Variants in TMEM9B observed in about 807,000 individuals in gnomAD.
TMEM9B encodes TMEM9 domain family member B.
Under a neutral mutation model 23.5 loss-of-function variants are expected in TMEM9B, and 8 were observed. The ratio of observed to expected loss-of-function variants is 0.34; its 90% CI spans 0.20 to 0.61. The LOEUF (loss-of-function observed/expected upper bound fraction) is 0.61, where lower values mean the gene tolerates loss of function less well. TMEM9B is among the 20% of genes least tolerant of loss of function. The probability of loss-of-function intolerance (pLI) is 0.78; values close to 1 mark genes in which losing one functional copy is unlikely to be tolerated. For missense variants in TMEM9B, 197 were observed against 252.3 expected (o/e 0.78, Z 1.49); for synonymous variants, 106 against 96.3 (o/e 1.10, Z -0.59).
Position 8,948,425 on chromosome 11 carries a change from A to G in TMEM9B, c.492T>C (p.Ser164=). 1 of 1,614,206 alleles carries G rather than the reference A, an allele frequency of 6.2e-7. No individual in the cohort carries two copies. Among genetic ancestry groups the G allele is most frequent in the Non-Finnish European group, 8.5e-7 (1 of 1,180,034 alleles). Reference sequence around the variant, plus strand: ...CTACCTTGTTCAGCACGTTGGCTCGACTGCGGGAGCGGGCTAGCACATCGT... The same window carrying G: ...CTACCTTGTTCAGCACGTTGGCTCGGCTGCGGGAGCGGGCTAGCACATCGT... ...NAHDVLARSR[S]RANVLNKVEY... Residue 164 remains serine, a synonymous_variant, in exon 5 of 5, where the codon AGT becomes AGC. Transcript: ENST00000534025.
At chr11:8,952,394 T>C (rs956454569) in intron 4 of TMEM9B, among the ~76,000 whole-genome samples, 1 of 151,864 alleles carries the variant, frequency 6.6e-6, no homozygotes, top group African/African-American at 2.4e-5. Flanking sequence ...GTTTTATTTT[T>C]CTCTAAAGAT....
Position 8,948,199 on chromosome 11 carries a change from G to A in TMEM9B, c.*121C>T. On this transcript the variant is annotated 3_prime_UTR_variant, in exon 5 of 5. Transcript: ENST00000534025. ...CAAGCAAGTTTTTGCTTCCAGTTTT[G>A]AATCTTCCAGCAACAGTTGGTGAAA... 1 of 1,292,400 alleles carries A rather than the reference G, an allele frequency of 7.7e-7. No homozygotes were observed. The highest frequency in any genetic ancestry group is 1.0e-6 in the Non-Finnish European group (1 of 952,398). 80.1% of individuals were successfully genotyped at this position (1,292,400 alleles called of 1,614,324 possible).
chr11:8,956,146 T>A (rs764790585), intron 3 of TMEM9B, 44 bp downstream of exon 3: 5 of 1,573,414 alleles, frequency 3.2e-6, no homozygotes, highest in Non-Finnish European at 2.6e-6. Flanking sequence ...AGAAAAGACG[T>A]AGACAGACAG....
chr11:8,963,009 C>T (rs772004561), intron 1 of TMEM9B, among the ~76,000 whole-genome samples: 1 of 152,226 alleles, frequency 6.6e-6, no homozygotes, highest in Non-Finnish European at 1.5e-5. Flanking sequence ...TCAGCAACCA[C>T]TTAGTGAGCA....
In TMEM9B at chr11:8,964,417, G is replaced by A; in HGVS notation, c.-104C>T. 6.9e-7 allele frequency: 1 copy of A among 1,441,666 alleles called. No homozygotes were observed. Among genetic ancestry groups the A allele is most frequent in the South Asian group, 1.5e-5 (1 of 68,884 alleles). 89.3% of individuals were successfully genotyped at this position (1,441,666 alleles called of 1,614,324 possible). A position where few individuals can be genotyped will look rare whatever the true frequency, so the allele number is the denominator to read the frequency against. The stretch of plus-strand genomic sequence containing the variant: ...CAGGCACAGGCTTGGGACCCGGCTG[G>A]GGATCCTCCGCCCGCACTTCCGTCT... On this transcript the variant is annotated 5_prime_UTR_variant, in exon 1 of 5. Transcript: ENST00000534025.
rs1323677271 is a variant in TMEM9B at position 8,956,395 on chromosome 11, A to G, written c.198-97T>C. ...GAAATCTAGAATAATCACTAAACTT[A>G]CCCAATGAAAGAGCATAAAAAACAA... is the stretch of plus-strand genomic sequence containing the variant. On this transcript the variant is annotated intron_variant, in intron 2 of 4. Transcript: ENST00000534025. The G allele has an allele frequency of 5.9e-6, 5 of 847,344 alleles. No individual in the cohort carries two copies. In the Admixed American group the frequency reaches 1.3e-4, roughly 23 times the overall value. 52.5% of individuals were successfully genotyped at this position (847,344 alleles called of 1,614,324 possible).
In TMEM9B at chr11:8,962,101, T is replaced by A; in HGVS notation, c.188A>T (p.Gln63Leu). ...SGHIYNKNIS[Q>L]KDCDCLHVVE... Reference sequence around the variant, plus strand: ...TAATCCAGATACTTACCAATCTTTCTGAGATATGTTCTTATTATAAATATG... The same window carrying A: ...TAATCCAGATACTTACCAATCTTTCAGAGATATGTTCTTATTATAAATATG... The change falls in exon 2 of 5, where the codon CAG (glutamine) becomes CTG (leucine). Residue 63 changes from glutamine to leucine, a missense_variant. Physicochemically the swap from Gln to Leu is moderately radical, Grantham distance 113 (BLOSUM62 -2). Coordinates refer to ENST00000534025, the MANE Select transcript of TMEM9B (RefSeq NM_020644.3). 1 of 1,581,838 alleles carries A rather than the reference T, an allele frequency of 6.3e-7. No homozygotes were observed. The highest frequency in any genetic ancestry group is 1.2e-5 in the South Asian group (1 of 85,616).
rs1463660587 is a variant in TMEM9B at position 8,957,572 on chromosome 11, C to G, written c.198-1274G>C. Among the ~76,000 whole-genome samples the G allele has an allele frequency of 6.6e-5, 10 of 152,344 alleles. No homozygotes were observed. The South Asian group carries it at 1.7e-3, about 25-fold the overall frequency. The stretch of plus-strand genomic sequence containing the variant: ...CCCATTCTCTTGGGGACACCCAATA[C>G]TCTATAGAGTGATTCCTTCTCTTTC... On this transcript the variant is annotated intron_variant, in intron 2 of 4. Transcript: ENST00000534025. The surrounding 1 kb of genome is among the most constrained non-coding windows in gnomAD (Gnocchi z 4.3).
At position 8,948,555 on chromosome 11, in the gene TMEM9B, A is replaced by G. The variant is rs1157078395; in HGVS notation, c.442-80T>C. On this transcript the variant is annotated intron_variant, in intron 4 of 4. Transcript: ENST00000534025. ...GACACACAACAGTGACCAGCCCGCC[A>G]CAGAAATAGGGGTAGGTGGACTTTT... The G allele has an allele frequency of 4.0e-6, 6 of 1,503,364 alleles. No individual in the cohort carries two copies. The African/African-American group carries it at 8.3e-5, about 21-fold the overall frequency. The allele number at this position is 1,503,364 out of a possible 1,614,324, so 93.1% of individuals were successfully genotyped here.
chr11:8,957,981 AC>A lies in TMEM9B; in HGVS notation c.198-1684del, dbSNP rs1854003420. 6.6e-6 allele frequency among the ~76,000 whole-genome samples: 1 copy of A among 150,792 alleles called. No homozygotes were observed. The highest frequency in any genetic ancestry group is 1.5e-5 in the Non-Finnish European group (1 of 67,806). On this transcript the variant is annotated intron_variant, in intron 2 of 4. Transcript: ENST00000534025. The surrounding 1 kb of genome is among the most constrained non-coding windows in gnomAD (Gnocchi z 4.3). ...AGACCAGCCTGACCAACATGGAGAA[AC>A]CCCGTCTCTACTAAAAATACAAAAA...
At chr11:8,963,916 G>A in intron 1 of TMEM9B, 1 of 454,454 alleles carries the variant, frequency 2.2e-6, no homozygotes, top group Non-Finnish European at 3.9e-6. Context: ...CGTGCAGCCG[G>A]GGCTGGGAAG....
rs1176702493 is a variant in TMEM9B, at chr11:8,957,163, A to C, written c.198-865T>G. 6.6e-6 allele frequency among the ~76,000 whole-genome samples: 1 copy of C among 152,256 alleles called. No individual in the cohort carries two copies. ...TTTTCTTAATGAGCAAATCTGAAAA[A>C]GCAAGGAGAAATAGAATAACTAAAA... On this transcript the variant is annotated intron_variant, in intron 2 of 4. Coordinates refer to ENST00000534025, the MANE Select transcript of TMEM9B (RefSeq NM_020644.3). This position sits in a 1 kb window ranked among gnomAD's most constrained non-coding sequence, Gnocchi z 4.3.
intron 4 of TMEM9B, among the ~76,000 whole-genome samples, chr11:8,951,268 C>CTA (rs1853869944): frequency 6.6e-6 from 1 of 152,132 alleles, no homozygotes; most frequent in Non-Finnish European, 1.5e-5. Flanking sequence ...ACGTCTATGC[C>CTA]TATAGATGCA....
intron 4 of TMEM9B, among the ~76,000 whole-genome samples, chr11:8,950,833 A>G (rs1853860605): frequency 6.6e-6 from 1 of 152,224 alleles, no homozygotes. Flanking sequence ...ACTGAACAAA[A>G]ACAGAAAAAA....
intron 2 of TMEM9B, among the ~76,000 whole-genome samples, chr11:8,961,889 T>C (rs896514626): frequency 2.0e-5 from 3 of 152,188 alleles, no homozygotes; most frequent in African/African-American, 7.2e-5. Flanking sequence ...TGGGTCTTAG[T>C]GTTTTGGCTG....
intron 4 of TMEM9B, among the ~76,000 whole-genome samples, chr11:8,950,192 T>C (rs932458625): frequency 6.6e-6 from 1 of 152,000 alleles, no homozygotes; most frequent in Non-Finnish European, 1.5e-5. Flanking sequence ...TTTTCCATTA[T>C]GGCAATAAAT....
chr11:8,959,714 C>G (rs1473725975), intron 2 of TMEM9B, among the ~76,000 whole-genome samples: 1 of 152,140 alleles, frequency 6.6e-6, no homozygotes, highest in Non-Finnish European at 1.5e-5. Flanking sequence ...AGAGCTAGAC[C>G]TAGTCAGAGG....
rs186958257 is a variant in TMEM9B at position 8,955,291 on chromosome 11, C to T, written c.306+899G>A. ...TCCACAACCTTTTTGGCACCAGGGA[C>T]GGGACCAGTTTCATGGAAGACAATT... On this transcript the variant is annotated intron_variant, in intron 3 of 4. Coordinates refer to ENST00000534025, the MANE Select transcript of TMEM9B (RefSeq NM_020644.3). Among the ~76,000 whole-genome samples the T allele has an allele frequency of 7.0e-3, 1,067 of 152,168 alleles. 10 individuals are homozygous for T. Among genetic ancestry groups the T allele is most frequent in the South Asian group, 0.011 (55 of 4,820 alleles).
At chr11:8,961,577 C>A (rs963026602) in intron 2 of TMEM9B, among the ~76,000 whole-genome samples, 1 of 152,222 alleles carries the variant, frequency 6.6e-6, no homozygotes, top group East Asian at 1.9e-4. Flanking sequence ...AGGTCAATAT[C>A]TTGGCACAAC....
Sources: gnomAD v4.1 joint callset for allele counts (sites outside exome capture counted in the v4.1 genomes callset) on GRCh38, gnomAD v4.1.1 for gene constraint, Gnocchi (gnomAD v3.1) non-coding constraint, MANE v1.5 for transcripts, NCBI Gene and HGNC (gene_info 2026-07-23, HGNC 2026-07-21) for gene names.